DSCAM: variants seen among roughly 807,000 people sequenced by gnomAD.
The protein encoded by DSCAM is DS cell adhesion molecule.
A neutral mutation model predicts 217.7 loss-of-function variants in DSCAM; 47 were observed. That is an observed-to-expected ratio of 0.22 (90% CI 0.17 to 0.28). The LOEUF (loss-of-function observed/expected upper bound fraction) is 0.28. Among genes scored for constraint, DSCAM ranks in the 10% least tolerant of loss-of-function variants. The pLI is 1.00. For missense variants in DSCAM, 2,080 were observed against 2,618.3 expected, an observed-to-expected ratio of 0.79 and a Z score of 4.49; for synonymous variants, 1,056 against 1,015.3, an observed-to-expected ratio of 1.04 and a Z score of -0.76.
intron 3 of DSCAM, among the ~76,000 whole-genome samples, chr21:40,625,028 T>TA (rs2089581186): frequency 6.6e-6 from 1 of 152,118 alleles, no homozygotes; most frequent in Non-Finnish European, 1.5e-5. Flanking sequence ...ATTCTCACCA[T>TA]AAAAAAGGCA....
At chr21:40,748,142 C>G (rs2091193150) in intron 1 of DSCAM, among the ~76,000 whole-genome samples, 1 of 151,832 alleles carries the variant, frequency 6.6e-6, no homozygotes, top group African/African-American at 2.4e-5. Context: ...AACTTCATTT[C>G]TAAGATGTAG....
chr21:40,085,164 C>T (rs908379254), intron 23 of DSCAM, among the ~76,000 whole-genome samples: 3 of 152,120 alleles, frequency 2.0e-5, no homozygotes, highest in Non-Finnish European at 4.4e-5. Context: ...CTTAGAGCTC[C>T]AGTTACTTTC....
intron 19 of DSCAM, among the ~76,000 whole-genome samples, chr21:40,129,339 TATTTTTGGCCTTTCCTCTCACTAGAG>T (rs2090131222): frequency 6.6e-6 from 1 of 152,216 alleles, no homozygotes; most frequent in Non-Finnish European, 1.5e-5. Flanking sequence ...AAGACTCTAG[TATTTTTGGCCTTTCCTCTCACTAGAG>T]CAAGAGTGTT....
chr21:40,037,100 T>C (rs1417701338), intron 32 of DSCAM, among the ~76,000 whole-genome samples: 1 of 150,192 alleles, frequency 6.7e-6, no homozygotes, highest in African/African-American at 2.5e-5. Flanking sequence ...CCTTGAAAAC[T>C]GGCACAAGAC....
intron 3 of DSCAM, among the ~76,000 whole-genome samples, chr21:40,682,284 T>C (rs927455115): frequency 1.3e-5 from 2 of 151,944 alleles, no homozygotes; most frequent in Non-Finnish European, 2.9e-5. Context: ...CCCTGGAAGA[T>C]GATGAAATGA....
At chr21:40,248,418 C>G (rs944104299) in intron 11 of DSCAM, among the ~76,000 whole-genome samples, 5 of 152,208 alleles carry the variant, frequency 3.3e-5, no homozygotes, top group Non-Finnish European at 5.9e-5. Flanking sequence ...ATTTCTTCCA[C>G]CAGATACCCT....
In DSCAM at chr21:40,497,254, C is replaced by T. The variant is rs577768717; in HGVS notation, c.509-128009G>A. On this transcript the variant is annotated intron_variant, in intron 3 of 32. Transcript: ENST00000400454. Reference sequence around the variant, plus strand: ...AAATTAGAATCAACCTAAGTGTCAACAGAAGAATAAAGAAAATTTACACAA... The same window carrying T: ...AAATTAGAATCAACCTAAGTGTCAATAGAAGAATAAAGAAAATTTACACAA... 1.2e-3 allele frequency among the ~76,000 whole-genome samples: 190 copies of T among 152,100 alleles called. 1 individual carries two copies. The highest frequency in any genetic ancestry group is 4.5e-3 in the African/African-American group (186 of 41,504).
intron 3 of DSCAM, among the ~76,000 whole-genome samples, chr21:40,677,768 C>T (rs2146415988): frequency 6.6e-6 from 1 of 152,236 alleles, no homozygotes; most frequent in South Asian, 2.1e-4. Flanking sequence ...ACCCCAGAGA[C>T]ACCATTCGCC....
At position 40,060,770 on chromosome 21, in the gene DSCAM, C is replaced by G. The variant is rs903904722; in HGVS notation, c.4919+2099G>C. On this transcript the variant is annotated intron_variant, in intron 28 of 32. Coordinates refer to ENST00000400454, the MANE Select transcript of DSCAM (RefSeq NM_001389.5). Reference sequence around the variant, plus strand: ...ACTAATTCATATTTTTAAAGTCTACCTTTGACAATTTCTTTTATTAGGTAG... The same window carrying G: ...ACTAATTCATATTTTTAAAGTCTACGTTTGACAATTTCTTTTATTAGGTAG... 2.0e-5 allele frequency among the ~76,000 whole-genome samples: 3 copies of G among 152,286 alleles called. No individual in the cohort carries two copies. The East Asian group carries it at 5.8e-4, about 29-fold the overall frequency.
intron 15 of DSCAM, among the ~76,000 whole-genome samples, chr21:40,170,158 G>A (rs548018792): frequency 2.2e-4 from 33 of 152,304 alleles, no homozygotes; most frequent in Non-Finnish European, 4.0e-4. Context: ...GGGTAGAGCC[G>A]AGCCTTTTCC....
At position 40,015,801 on chromosome 21, in the gene DSCAM, A is replaced by G. The variant is rs370662708; in HGVS notation, c.5687-2415T>C. The stretch of plus-strand genomic sequence containing the variant: ...TTAATATATCCCATCACCTCCTTGC[A>G]AAGCATGAGCACAATTAGGGCCCAG... On this transcript the variant is annotated intron_variant, in intron 32 of 32. Transcript: ENST00000400454. 2.6e-5 allele frequency among the ~76,000 whole-genome samples: 4 copies of G among 152,124 alleles called. No homozygotes were observed. The South Asian group carries it at 8.3e-4, about 32-fold the overall frequency.
intron 32 of DSCAM, among the ~76,000 whole-genome samples, chr21:40,040,200 ATTGAT>A (rs1478927940): frequency 1.9e-4 from 29 of 152,350 alleles, no homozygotes; most frequent in Admixed American, 1.5e-3. Context: ...TTGAACTTGC[ATTGAT>A]TTAAGAGATT....
At chr21:40,547,651 G>A (rs758980882) in intron 3 of DSCAM, among the ~76,000 whole-genome samples, 1 of 152,030 alleles carries the variant, frequency 6.6e-6, no homozygotes, top group East Asian at 1.9e-4. Context: ...CAAAGACACC[G>A]GTGGAATCAA....
At chr21:40,137,725 A>AT (rs1383022829) in intron 18 of DSCAM, among the ~76,000 whole-genome samples, 2 of 151,870 alleles carry the variant, frequency 1.3e-5, no homozygotes, top group Non-Finnish European at 2.9e-5. Flanking sequence ...TAGAAATCAG[A>AT]TTTTTTCTAT....
Position 40,093,716 on chromosome 21 carries a change from C to T in DSCAM, c.3850+5G>A. Reference sequence around the variant, plus strand: ...GGAAATGAGGTCCTTATAGCCACTGCCTACCTTTTGCTAGTGGCTCGACTG... The same window carrying T: ...GGAAATGAGGTCCTTATAGCCACTGTCTACCTTTTGCTAGTGGCTCGACTG... On this transcript the variant is annotated splice_donor_5th_base_variant and intron_variant, in intron 21 of 32. Coordinates refer to ENST00000400454, the MANE Select transcript of DSCAM (RefSeq NM_001389.5). 1 of 1,613,844 alleles carries T rather than the reference C, an allele frequency of 6.2e-7. No individual in the cohort carries two copies. Among genetic ancestry groups the T allele is most frequent in the Non-Finnish European group, 8.5e-7 (1 of 1,179,890 alleles).
intron 10 of DSCAM, among the ~76,000 whole-genome samples, chr21:40,279,682 T>C (rs2073733948): frequency 6.6e-6 from 1 of 152,200 alleles, no homozygotes; most frequent in African/African-American, 2.4e-5. Flanking sequence ...ACACATATGT[T>C]TACTGCAGCA....
chr21:40,149,108 T>C (rs1235036176), intron 16 of DSCAM, among the ~76,000 whole-genome samples: 2 of 150,418 alleles, frequency 1.3e-5, no homozygotes, highest in African/African-American at 4.9e-5. Flanking sequence ...ACCACAACCA[T>C]CCATCACTCC....
chr21:40,233,609 A>G (rs2091401182), intron 11 of DSCAM, among the ~76,000 whole-genome samples: 1 of 152,100 alleles, frequency 6.6e-6, no homozygotes, highest in Non-Finnish European at 1.5e-5. Flanking sequence ...TCTCCTCCAC[A>G]TGGACACACT....
chr21:40,733,541 T>C (rs149864878), intron 1 of DSCAM, among the ~76,000 whole-genome samples: 270 of 152,238 alleles, frequency 1.8e-3, no homozygotes, highest in African/African-American at 5.4e-3. Flanking sequence ...GTCCCTCCCA[T>C]TGAAGAACCA....
Sources: gnomAD v4.1 joint callset for allele counts (sites outside exome capture counted in the v4.1 genomes callset) on GRCh38, gnomAD v4.1.1 for gene constraint, MANE v1.5 for transcripts, NCBI Gene and HGNC (gene_info 2026-07-23, HGNC 2026-07-21) for gene names.